PRKAG2: variants seen among roughly 807,000 people sequenced by gnomAD.
PRKAG2 encodes protein kinase AMP-activated non-catalytic subunit gamma 2.
PRKAG2 carries 26 observed loss-of-function variants against 69.6 expected under a neutral mutation model. The ratio of observed to expected loss-of-function variants is 0.37; its 90% CI spans 0.27 to 0.52. The LOEUF is 0.52. Ranked by LOEUF, PRKAG2 falls within the 20% of genes least tolerant of loss-of-function variation. The probability of loss-of-function intolerance (pLI) is 0.90; values close to 1 mark genes in which losing one functional copy is unlikely to be tolerated. For synonymous variants in PRKAG2, 293 were observed against 285.0 expected (o/e 1.03, Z -0.28); for missense variants, 557 against 740.0 (o/e 0.75, Z 2.87).
intron 9 of PRKAG2, among the ~76,000 whole-genome samples, chr7:151,570,979 C>T (rs1807413670): frequency 6.6e-6 from 1 of 151,996 alleles, no homozygotes; most frequent in Non-Finnish European, 1.5e-5. Flanking sequence ...TGATGTTGGC[C>T]AGGCTGGTCT....
chr7:151,603,842 G>T (rs911490110), intron 5 of PRKAG2, among the ~76,000 whole-genome samples: 1 of 152,172 alleles, frequency 6.6e-6, no homozygotes, highest in Non-Finnish European at 1.5e-5. Context: ...TTAATGGCAA[G>T]GAGTTATGCC....
At chr7:151,648,896 G>C (rs1270912504) in intron 4 of PRKAG2, among the ~76,000 whole-genome samples, 2 of 129,286 alleles carry the variant, frequency 1.5e-5, no homozygotes, top group Non-Finnish European at 3.3e-5. Context: ...ATGTGAGAGA[G>C]GACCAGGATT....
intron 1 of PRKAG2, among the ~76,000 whole-genome samples, chr7:151,787,455 G>A (rs1563674994): frequency 6.6e-6 from 1 of 151,692 alleles, no homozygotes; most frequent in Non-Finnish European, 1.5e-5. Context: ...AGTAGCATCA[G>A]GCAGTATTTG....
intron 3 of PRKAG2, among the ~76,000 whole-genome samples, chr7:151,714,717 G>C (rs764026014): frequency 1.3e-5 from 2 of 151,994 alleles, no homozygotes; most frequent in African/African-American, 2.4e-5. Flanking sequence ...TGGGAGGCTC[G>C]GGCAAGTGGA....
chr7:151,821,603 A>G (rs1408165380), intron 1 of PRKAG2, among the ~76,000 whole-genome samples: 5 of 137,030 alleles, frequency 3.6e-5, no homozygotes, highest in Non-Finnish European at 8.4e-5. Context: ...CACACTGCAC[A>G]AAACCATTTT....
At position 151,876,680 on chromosome 7, in the gene PRKAG2, C is replaced by T; in HGVS notation, c.-60G>A. 6.6e-7 allele frequency: 1 copy of T among 1,514,742 alleles called. No individual in the cohort carries two copies. The highest frequency in any genetic ancestry group is 9.0e-7 in the Non-Finnish European group (1 of 1,105,162). The allele number at this position is 1,514,742 out of a possible 1,614,324, so 93.8% of individuals were successfully genotyped here. A position where few individuals can be genotyped will look rare whatever the true frequency, so the allele number is the denominator to read the frequency against. On this transcript the variant is annotated 5_prime_UTR_variant, in exon 1 of 16. Coordinates refer to ENST00000287878, the MANE Select transcript of PRKAG2 (RefSeq NM_016203.4). ...CGGGGGTTCGGTCCCCTCCTTCCCT[C>T]CCCCGGCCGCTGCCTTCGGACTGGA...
intron 1 of PRKAG2, among the ~76,000 whole-genome samples, chr7:151,832,032 T>C (rs377309485): frequency 4.3e-4 from 66 of 151,912 alleles, no homozygotes; most frequent in African/African-American, 1.4e-3. Flanking sequence ...CTGCACGAAA[T>C]CTCCAAGATG....
At position 151,699,457 on chromosome 7, in the gene PRKAG2, C is replaced by A. The variant is rs779333743; in HGVS notation, c.467-23820G>T. Among the ~76,000 whole-genome samples, 1 of 152,176 alleles carries A rather than the reference C, an allele frequency of 6.6e-6. No individual in the cohort carries two copies. ...TTCACTGGGATTGAGATCATCTCGG[C>A]GACTTTATCATGAAGGCCAGCACAG... On this transcript the variant is annotated intron_variant, in intron 3 of 15. Coordinates refer to ENST00000287878, the MANE Select transcript of PRKAG2 (RefSeq NM_016203.4). The surrounding 1 kb of genome is among the most constrained non-coding windows in gnomAD (Gnocchi z 4.5).
At chr7:151,858,820 A>G (rs2079847738) in intron 1 of PRKAG2, among the ~76,000 whole-genome samples, 1 of 152,194 alleles carries the variant, frequency 6.6e-6, no homozygotes, top group Non-Finnish European at 1.5e-5. Context: ...GCTATGCAGA[A>G]TGCACAGTGT....
At chr7:151,709,538 G>A (rs1839202787) in intron 3 of PRKAG2, among the ~76,000 whole-genome samples, 1 of 152,134 alleles carries the variant, frequency 6.6e-6, no homozygotes. Context: ...GTGTGACATG[G>A]TGACATTGAG....
At chr7:151,658,441 C>G (rs571488750) in intron 4 of PRKAG2, among the ~76,000 whole-genome samples, 1 of 146,536 alleles carries the variant, frequency 6.8e-6, no homozygotes, top group Admixed American at 6.9e-5. Context: ...GCCAAGATCA[C>G]GCCATTGCAC....
At chr7:151,704,217 A>T (rs564020891) in intron 3 of PRKAG2, among the ~76,000 whole-genome samples, 96 of 152,310 alleles carry the variant, frequency 6.3e-4, no homozygotes, top group Admixed American at 2.5e-3. Context: ...ATCCAATTAC[A>T]CTTTTTAAGT....
chr7:151,562,377 G>T (rs1413225990), intron 14 of PRKAG2, among the ~76,000 whole-genome samples: 2 of 151,826 alleles, frequency 1.3e-5, no homozygotes, highest in Non-Finnish European at 2.9e-5. Context: ...GACATAGGAA[G>T]GAGATAGGAA....
chr7:151,560,443 A>G (rs766005657), intron 15 of PRKAG2, 81 bp downstream of exon 15: 39 of 1,612,290 alleles, frequency 2.4e-5, no homozygotes, highest in Non-Finnish European at 2.9e-5. Context: ...TGGAGAAATG[A>G]TGGTTTAAAT....
chr7:151,574,033 C>T (rs1182718480), intron 8 of PRKAG2, among the ~76,000 whole-genome samples: 1 of 152,206 alleles, frequency 6.6e-6, no homozygotes, highest in Admixed American at 6.5e-5. Context: ...CTTACTTCGG[C>T]TTCCCAAAGT....
At chr7:151,712,867 G>C (rs970533845) in intron 3 of PRKAG2, among the ~76,000 whole-genome samples, 1 of 152,200 alleles carries the variant, frequency 6.6e-6, no homozygotes, top group Non-Finnish European at 1.5e-5. Flanking sequence ...AAATGCTCTG[G>C]CCATGCAAAT....
chr7:151,700,602 T>C (rs6967838), intron 3 of PRKAG2, among the ~76,000 whole-genome samples: 44,271 of 152,032 alleles, frequency 0.29, 6,964 homozygotes, highest in African/African-American at 0.34. Flanking sequence ...GCTTTTCTGA[T>C]GAGGTTCCAG....
At chr7:151,843,802 C>T (rs990530544) in intron 1 of PRKAG2, among the ~76,000 whole-genome samples, 1 of 152,238 alleles carries the variant, frequency 6.6e-6, no homozygotes, top group Non-Finnish European at 1.5e-5. Context: ...CCAAAACCTA[C>T]ACTCTGTTTG....
intron 1 of PRKAG2, among the ~76,000 whole-genome samples, chr7:151,845,133 G>A (rs2079400570): frequency 6.6e-6 from 1 of 151,784 alleles, no homozygotes; most frequent in South Asian, 2.1e-4. Flanking sequence ...CCCTTTCCTG[G>A]CAGGATCACT....
Sources: gnomAD v4.1 joint callset for allele counts (sites outside exome capture counted in the v4.1 genomes callset) on GRCh38, gnomAD v4.1.1 for gene constraint, Gnocchi (gnomAD v3.1) non-coding constraint, MANE v1.5 for transcripts, NCBI Gene and HGNC (gene_info 2026-07-23, HGNC 2026-07-21) for gene names.